DDX3X: variants seen among roughly 807,000 people sequenced by gnomAD.
DDX3X encodes DEAD-box helicase 3 X-linked, also known as ATP-dependent RNA helicase DDX3X.
A neutral mutation model predicts 52.7 loss-of-function variants in DDX3X; 4 were observed. The ratio of observed to expected loss-of-function variants is 0.08; its 90% CI spans 0.04 to 0.17. The LOEUF (loss-of-function observed/expected upper bound fraction) is 0.17. Ranked by LOEUF, DDX3X falls within the 10% of genes least tolerant of loss-of-function variation. The probability of loss-of-function intolerance (pLI) is 1.00; values close to 1 mark genes in which losing one functional copy is unlikely to be tolerated. For synonymous variants in DDX3X, 192 were observed against 178.1 expected (o/e 1.08, Z -0.62); for missense variants, 222 against 548.6 (o/e 0.40, Z 5.95).
downstream of DDX3X, chrX:41,350,706 T>G (rs1442065513): frequency 1.8e-5 from 2 of 111,275 alleles, no homozygotes; most frequent in African/African-American, 3.3e-5. Context: ...GCAGGAAGAT[T>G]GCTTGAGCCC....
At chrX:41,359,767 T>C (rs2064021884) in intron 5 of DDX3X, among the ~76,000 whole-genome samples, 1 of 107,071 alleles carries the variant, frequency 9.3e-6, no homozygotes, top group Non-Finnish European at 1.9e-5. Context: ...GGTCAGGAGA[T>C]AGAGACCATG....
At position 41,345,189 on chromosome X, in the gene DDX3X, G is replaced by T; in HGVS notation, c.1035G>T (p.Val345=). The T allele has an allele frequency of 3.3e-6, 4 of 1,210,263 alleles. No individual in the cohort carries two copies. The highest frequency in any genetic ancestry group is 4.5e-6 in the Non-Finnish European group (4 of 894,904). The change falls in exon 11 of 17, where the codon GTG becomes GTT. Residue 345 remains valine, a synonymous_variant. Coordinates refer to ENST00000644876, the MANE Select transcript of DDX3X (RefSeq NM_001356.5). The part of the protein sequence containing the change: ...KIGLDFCKYL[V]LDEADRMLDM... The stretch of plus-strand genomic sequence containing the variant: ...TTTCATGACATGACAGATACTTGGT[G>T]TTAGATGAAGCTGATCGGATGTTGG...
intron 5 of DDX3X, among the ~76,000 whole-genome samples, chrX:41,361,677 G>T (rs2064030418): frequency 9.0e-6 from 1 of 110,823 alleles, no homozygotes; most frequent in African/African-American, 3.3e-5. Context: ...CTCATGCCTG[G>T]CCCTCTTTCT....
chrX:41,338,362 A>G (rs1464839626), intron 2 of DDX3X: 1 of 112,051 alleles, frequency 8.9e-6, no homozygotes, highest in Non-Finnish European at 1.9e-5. Context: ...TGATTGTCCT[A>G]GTAGAGATTT....
In DDX3X at chrX:41,347,620, C is replaced by T; in HGVS notation, c.1910-20C>T. On this transcript the variant is annotated intron_variant, in intron 16 of 16. Coordinates refer to ENST00000644876, the MANE Select transcript of DDX3X (RefSeq NM_001356.5). ...TGGATAACTTCATTAATTTCTCTCT[C>T]TTTTTAAATCTCTCATTAGGTGGCT... is the stretch of plus-strand genomic sequence containing the variant. 2.6e-6 allele frequency: 3 copies of T among 1,157,235 alleles called. No individual in the cohort carries two copies. Among genetic ancestry groups the T allele is most frequent in the Non-Finnish European group, 3.5e-6 (3 of 852,110 alleles).
chrX:41,344,164 T>C (rs777089000), intron 9 of DDX3X, 36 bp downstream of exon 9: 7 of 1,183,871 alleles, frequency 5.9e-6, no homozygotes, highest in South Asian at 1.9e-5. Context: ...AGCTTTTTCA[T>C]TGATTCTAAT....
At position 41,341,579 on chromosome X, in the gene DDX3X, A is replaced by G. The variant is rs1236484806; in HGVS notation, c.247A>G (p.Ser83Gly). The change falls in exon 4 of 17, where the codon AGC becomes GGC. Residue 83 changes from serine (S) to glycine (G), a missense_variant. Physicochemically the swap from Ser to Gly is moderately conservative, Grantham distance 56. Transcript: ENST00000644876. ...GSRSDSRGKSSFFSDRGSGSR... is the reference protein window; with the variant it reads ...GSRSDSRGKSGFFSDRGSGSR... ...TCGTAGTGATTCAAGAGGGAAGTCT[A>G]GCTTCTTCAGTGATCGTGGAAGTGG... is the stretch of plus-strand genomic sequence containing the variant. The G allele has an allele frequency of 8.3e-7, 1 of 1,211,161 alleles. No individual in the cohort carries two copies. Among genetic ancestry groups the G allele is most frequent in the South Asian group, 1.8e-5 (1 of 56,996 alleles).
chrX:41,337,552 G>C, intron 2 of DDX3X, 87 bp downstream of exon 2: 1 of 820,705 alleles, frequency 1.2e-6, no homozygotes, highest in East Asian at 3.2e-5. Flanking sequence ...TAAGAAATTT[G>C]CCTTTCAATT....
chrX:41,334,381 G>A, intron 1 of DDX3X, 84 bp downstream of exon 1: 1 of 1,155,616 alleles, frequency 8.7e-7, no homozygotes, highest in East Asian at 3.1e-5. Flanking sequence ...GCGCTAACCG[G>A]CACCCTTACT....
Position 41,334,317 on chromosome X carries a change from C to G in DDX3X, c.45+20C>G, listed in dbSNP as rs749644421. On this transcript the variant is annotated intron_variant, in intron 1 of 16. Coordinates refer to ENST00000644876, the MANE Select transcript of DDX3X (RefSeq NM_001356.5). ...CAGCAGGTGAGCCGCAAGAACCCCA[C>G]CGGGCTGGCTGCTGCGTGAATTCCT... The G allele has an allele frequency of 2.5e-6, 3 of 1,207,646 alleles. No individual in the cohort carries two copies. In the African/African-American group the frequency reaches 5.2e-5, roughly 21 times the overall value.
downstream of DDX3X, chrX:41,351,186 C>T (rs913683099): frequency 9.0e-6 from 1 of 111,497 alleles, no homozygotes; most frequent in Admixed American, 9.6e-5. Context: ...AGTTCAGTTT[C>T]CACTTTATGT....
Position 41,339,102 on chromosome X carries a change from C to T in DDX3X, c.151+19C>T, listed in dbSNP as rs2063811544. 9.8e-7 allele frequency: 1 copy of T among 1,018,304 alleles called. No individual in the cohort carries two copies. The highest frequency in any genetic ancestry group is 1.3e-6 in the Non-Finnish European group (1 of 767,142). 83.9% of individuals were successfully genotyped at this position (1,018,304 alleles called of 1,213,427 possible). A position where few individuals can be genotyped will look rare whatever the true frequency, so the allele number is the denominator to read the frequency against. On this transcript the variant is annotated intron_variant, in intron 3 of 16. Coordinates refer to ENST00000644876, the MANE Select transcript of DDX3X (RefSeq NM_001356.5). ...ACTAAAGGTAGGTCCTCACAAGTAA[C>T]TTCGTAGGTCTATTTTTTGCCTCCT...
At chrX:41,344,430 TTTG>T in intron 10 of DDX3X, 31 bp downstream of exon 10, 1 of 1,198,897 alleles carries the variant, frequency 8.3e-7, no homozygotes, top group Admixed American at 2.2e-5. Flanking sequence ...GTTTTTTTGT[TTTG>T]TTTTGTTTTG....
At position 41,347,953 on chromosome X, in the gene DDX3X, TC is replaced by T. The variant is rs2063947571; in HGVS notation, c.*238del. Reference sequence around the variant, plus strand: ...CTTCATTGCTGTAGTTTGGATTAACTCCCCTCCCGCCTACCCCCATCCCAAA... The same window carrying T: ...CTTCATTGCTGTAGTTTGGATTAACTCCCTCCCGCCTACCCCCATCCCAAA... On this transcript the variant is annotated 3_prime_UTR_variant, in exon 17 of 17. Coordinates refer to ENST00000644876, the MANE Select transcript of DDX3X (RefSeq NM_001356.5). 2.8e-6 allele frequency: 1 copy of T among 360,131 alleles called. No homozygotes were observed. The highest frequency in any genetic ancestry group is 5.5e-5 in the Admixed American group (1 of 18,211). The allele number at this position is 360,131 out of a possible 1,213,427, so 29.7% of individuals were successfully genotyped here. A position where few individuals can be genotyped will look rare whatever the true frequency, so the allele number is the denominator to read the frequency against.
chrX:41,359,446 A>C (rs1434715224), intron 5 of DDX3X, among the ~76,000 whole-genome samples: 3 of 108,911 alleles, frequency 2.8e-5, no homozygotes, highest in Non-Finnish European at 5.7e-5. Flanking sequence ...AAAATACAAA[A>C]ATTAGCCAGG....
At chrX:41,364,068 C>T (rs1011287075) in intron 5 of DDX3X, among the ~76,000 whole-genome samples, 1 of 111,928 alleles carries the variant, frequency 8.9e-6, no homozygotes, top group African/African-American at 3.2e-5. Flanking sequence ...CTAACAGAAC[C>T]CCAATTTGGT....
chrX:41,346,175 G>A (rs886450359), intron 12 of DDX3X, 54 bp from the exon 13 acceptor site: 4 of 1,061,771 alleles, frequency 3.8e-6, no homozygotes, highest in South Asian at 2.1e-5. Context: ...ATACATAAGT[G>A]CAAAGAGAAC....
intron 4 of DDX3X, 133 bp from the exon 5 acceptor site, chrX:41,342,362 T>C: frequency 3.0e-6 from 2 of 672,804 alleles, no homozygotes; most frequent in Non-Finnish European, 4.4e-6. Flanking sequence ...ATTTGTCAAG[T>C]AACTCAGAAT....
intron 14 of DDX3X, 67 bp from the exon 15 acceptor site, chrX:41,346,792 G>T (rs1406788504): frequency 3.8e-6 from 4 of 1,048,489 alleles, no homozygotes; most frequent in Middle Eastern, 3.0e-4. Context: ...ACGTAGGAAA[G>T]TAAGAATAGT....
Sources: allele counts gnomAD v4.1 joint callset (sites outside exome capture counted in the v4.1 genomes callset), GRCh38; gene constraint gnomAD v4.1.1; transcripts MANE v1.5; gene names NCBI Gene and HGNC (gene_info 2026-07-23, HGNC 2026-07-21).